FNDC3A: variants seen among roughly 807,000 people sequenced by gnomAD.
FNDC3A encodes the protein fibronectin type-III domain-containing protein 3A.
In FNDC3A, 32 loss-of-function variants were observed where a neutral mutation model predicts 148.9. The ratio of observed to expected loss-of-function variants is 0.21; its 90% CI spans 0.16 to 0.29. The LOEUF is 0.29. Among genes scored for constraint, FNDC3A ranks in the 10% least tolerant of loss-of-function variants. The pLI, the probability that FNDC3A is intolerant of heterozygous loss-of-function variation, is 1.00. For synonymous variants in FNDC3A, 472 were observed against 473.6 expected (o/e 1.00, Z 0.04); for missense variants, 1,191 against 1,452.8 (o/e 0.82, Z 2.93).
At chr13:49,110,276 G>A (rs1254695978) in intron 3 of FNDC3A, 1 of 1,421,898 alleles carries the variant, frequency 7.0e-7, no homozygotes, top group Admixed American at 2.5e-5. Flanking sequence ...CTCGGTCAAA[G>A]GATCTTTTCC....
intron 3 of FNDC3A, among the ~76,000 whole-genome samples, chr13:49,100,834 ACCT>A (rs1879814026): frequency 6.6e-6 from 1 of 152,090 alleles, no homozygotes; most frequent in Non-Finnish European, 1.5e-5. Context: ...TTAATATCTA[ACCT>A]CCTAACCTTA....
chr13:49,045,916 G>T, intron 2 of FNDC3A: 2 of 218,364 alleles, frequency 9.2e-6, no homozygotes, highest in Non-Finnish European at 1.8e-5. Flanking sequence ...TTTTTATCAG[G>T]GACAATACTT....
At chr13:48,978,741 G>A (rs1342149329) in intron 1 of FNDC3A, among the ~76,000 whole-genome samples, 1 of 152,068 alleles carries the variant, frequency 6.6e-6, no homozygotes, top group Non-Finnish European at 1.5e-5. Flanking sequence ...CGAAGGTTTA[G>A]AATATGGTGC....
Position 49,099,714 on chromosome 13 carries a change from G to A in FNDC3A, c.176-14941G>A, listed in dbSNP as rs968704899. On this transcript the variant is annotated intron_variant, in intron 3 of 25. Coordinates refer to ENST00000492622, the MANE Select transcript of FNDC3A (RefSeq NM_001079673.2). ...AAACATGCAGAAGAAAAATAAAGAC[G>A]ATTCAGTGAGATTTGTAAAAATATG... 2.0e-5 allele frequency among the ~76,000 whole-genome samples: 3 copies of A among 151,940 alleles called. No homozygotes were observed. The East Asian group carries it at 5.8e-4, about 29-fold the overall frequency.
rs1430772464 is a variant in FNDC3A, at chr13:49,209,606, G to A, written c.*2211G>A. On this transcript the variant is annotated 3_prime_UTR_variant, in exon 26 of 26. Transcript: ENST00000492622. ...TCATTCTTTTTGAGATACGTTTATTGTATTCATATATATTCATTATTTGCT... is the reference window on the plus strand; with the variant it reads ...TCATTCTTTTTGAGATACGTTTATTATATTCATATATATTCATTATTTGCT... 6.6e-6 allele frequency: 1 copy of A among 152,532 alleles called. No individual in the cohort carries two copies. The highest frequency in any genetic ancestry group is 1.5e-5 in the Non-Finnish European group (1 of 68,004). The allele number at this position is 152,532 out of a possible 1,614,324, so 9.4% of individuals were successfully genotyped here. A position where few individuals can be genotyped will look rare whatever the true frequency, so the allele number is the denominator to read the frequency against.
chr13:49,064,514 A>G (rs1877130007), intron 2 of FNDC3A, among the ~76,000 whole-genome samples: 1 of 151,768 alleles, frequency 6.6e-6, no homozygotes, highest in Non-Finnish European at 1.5e-5. Context: ...TATCACAAGG[A>G]AAGAGATCAC....
chr13:49,072,816 T>C (rs1284764730), intron 2 of FNDC3A, among the ~76,000 whole-genome samples: 4 of 151,318 alleles, frequency 2.6e-5, no homozygotes, highest in African/African-American at 9.7e-5. Flanking sequence ...TGATTTTGTG[T>C]CCTACACCTT....
intron 5 of FNDC3A, among the ~76,000 whole-genome samples, chr13:49,134,959 G>T (rs1435705093): frequency 7.0e-6 from 1 of 141,930 alleles, no homozygotes; most frequent in Non-Finnish European, 1.5e-5. Flanking sequence ...AGGTTCAAAT[G>T]ATTCTCCTGC....
chr13:49,001,312 A>G (rs949216515), intron 1 of FNDC3A, among the ~76,000 whole-genome samples: 4 of 152,176 alleles, frequency 2.6e-5, no homozygotes, highest in Admixed American at 2.6e-4. Context: ...TAATCCCATC[A>G]TCTTTGTAAG....
chr13:49,142,591 C>G (rs560049980), intron 7 of FNDC3A, among the ~76,000 whole-genome samples: 2 of 152,284 alleles, frequency 1.3e-5, no homozygotes, highest in South Asian at 4.1e-4. Flanking sequence ...TTCTATGCAA[C>G]TCTATAATTC....
chr13:49,113,530 CAG>C (rs1445774854), intron 3 of FNDC3A, among the ~76,000 whole-genome samples: 4 of 152,178 alleles, frequency 2.6e-5, no homozygotes, highest in South Asian at 2.1e-4. Flanking sequence ...ATAATATTAA[CAG>C]AGTTACTTGT....
chr13:49,065,083 T>C (rs1489974264), intron 2 of FNDC3A, among the ~76,000 whole-genome samples: 3 of 152,208 alleles, frequency 2.0e-5, no homozygotes, highest in African/African-American at 7.2e-5. Context: ...ATTTATTTGC[T>C]CCATTTCTGC....
chr13:49,092,302 T>C (rs1879240599), intron 3 of FNDC3A, among the ~76,000 whole-genome samples: 1 of 152,214 alleles, frequency 6.6e-6, no homozygotes, highest in South Asian at 2.1e-4. Flanking sequence ...ATGTGTTGCC[T>C]CCAAAATCCA....
chr13:49,153,188 C>A (rs896441932), intron 8 of FNDC3A, among the ~76,000 whole-genome samples: 1 of 151,262 alleles, frequency 6.6e-6, no homozygotes, highest in Non-Finnish European at 1.5e-5. Context: ...CTGTTGTTTC[C>A]TGACTTTTTA....
chr13:49,039,328 C>G (rs1874743455), intron 2 of FNDC3A, among the ~76,000 whole-genome samples: 1 of 152,176 alleles, frequency 6.6e-6, no homozygotes, highest in African/African-American at 2.4e-5. Flanking sequence ...AATGGTATCT[C>G]AGACATCACT....
intron 2 of FNDC3A, among the ~76,000 whole-genome samples, chr13:49,035,990 T>C (rs1022685074): frequency 6.6e-6 from 1 of 152,130 alleles, no homozygotes; most frequent in African/African-American, 2.4e-5. Flanking sequence ...AGTCTACAGA[T>C]TGACAAGATC....
intron 2 of FNDC3A, among the ~76,000 whole-genome samples, chr13:49,010,188 A>G (rs1251795213): frequency 6.6e-6 from 1 of 152,184 alleles, no homozygotes; most frequent in Non-Finnish European, 1.5e-5. Flanking sequence ...GGTGAAATAA[A>G]TAGTGTTGGA....
intron 5 of FNDC3A, 25 bp downstream of exon 5, chr13:49,131,399 T>C (rs1882027585): frequency 6.8e-7 from 1 of 1,475,278 alleles, no homozygotes; most frequent in East Asian, 2.3e-5. Flanking sequence ...AGTATTCCAC[T>C]GTTATTGAGT....
At chr13:49,189,731 A>C (rs1420570591) in intron 17 of FNDC3A, among the ~76,000 whole-genome samples, 1 of 152,222 alleles carries the variant, frequency 6.6e-6, no homozygotes. Flanking sequence ...AAGCAACAAC[A>C]CATAGACATG....
Sources: gnomAD v4.1 joint callset for allele counts (sites outside exome capture counted in the v4.1 genomes callset) on GRCh38, gnomAD v4.1.1 for gene constraint, MANE v1.5 for transcripts, NCBI Gene and HGNC (gene_info 2026-07-23, HGNC 2026-07-21) for gene names.